MIS18A: variants seen among roughly 807,000 people sequenced by gnomAD.
MIS18A encodes protein Mis18-alpha.
In MIS18A, 14 loss-of-function variants were observed where a neutral mutation model predicts 25.0. The observed-to-expected ratio is 0.56, with a 90% CI of 0.37 to 0.88. The LOEUF is 0.88. MIS18A is among the 40% of genes least tolerant of loss of function. MIS18A has a pLI of 0.00. For synonymous variants in MIS18A, 134 were observed against 118.6 expected, an observed-to-expected ratio of 1.13 and a Z score of -0.84; for missense variants, 292 against 290.8, an observed-to-expected ratio of 1.00 and a Z score of -0.03.
At chr21:32,195,311 G>A in the MIS18A span, among the ~76,000 whole-genome samples, 1 of 152,188 alleles carries the variant, frequency 6.6e-6, no homozygotes, top group Non-Finnish European at 1.5e-5. Flanking sequence ...GAGCTATGTG[G>A]CCTATGTGCG....
chr21:32,201,216 T>C, the MIS18A span, among the ~76,000 whole-genome samples: 4 of 151,896 alleles, frequency 2.6e-5, no homozygotes, highest in East Asian at 5.8e-4. Flanking sequence ...GGGAGGGCAC[T>C]AGCCACTCAT....
At chr21:32,233,346 A>G in the MIS18A span, among the ~76,000 whole-genome samples, 1 of 152,184 alleles carries the variant, frequency 6.6e-6, no homozygotes, top group Non-Finnish European at 1.5e-5. Flanking sequence ...GGGGAGAGAA[A>G]CAAAAGAAAT....
the MIS18A span, among the ~76,000 whole-genome samples, chr21:32,171,674 T>C: frequency 6.6e-6 from 1 of 152,046 alleles, no homozygotes; most frequent in Non-Finnish European, 1.5e-5. Context: ...TACTTGTGTA[T>C]CTAACCCTCT....
chr21:32,213,220 T>G, the MIS18A span, among the ~76,000 whole-genome samples: 8 of 152,218 alleles, frequency 5.3e-5, no homozygotes, highest in Non-Finnish European at 1.0e-4. Flanking sequence ...TACCGAGATA[T>G]TCACTGAAAT....
At chr21:32,245,510 AG>A in the MIS18A span, among the ~76,000 whole-genome samples, 4 of 152,180 alleles carry the variant, frequency 2.6e-5, no homozygotes, top group African/African-American at 9.7e-5. Flanking sequence ...ACCTTCCAGG[AG>A]GGAAGGCTCT....
chr21:32,175,864 T>C, the MIS18A span, among the ~76,000 whole-genome samples: 3 of 152,100 alleles, frequency 2.0e-5, no homozygotes, highest in Non-Finnish European at 4.4e-5. Flanking sequence ...ACAAAAATTT[T>C]TTTTCTTTAT....
chr21:32,262,196 C>T, the MIS18A span, among the ~76,000 whole-genome samples: 3,054 of 152,292 alleles, frequency 0.02, 49 homozygotes, highest in Non-Finnish European at 0.028. Context: ...GAGGTAGTAA[C>T]ATACATGGAG....
At chr21:32,163,846 T>A in the MIS18A span, among the ~76,000 whole-genome samples, 1 of 152,148 alleles carries the variant, frequency 6.6e-6, no homozygotes, top group Non-Finnish European at 1.5e-5. Context: ...TTTGTTTGTG[T>A]TGCTATAAAG....
chr21:32,187,981 G>C, the MIS18A span, among the ~76,000 whole-genome samples: 7 of 146,898 alleles, frequency 4.8e-5, no homozygotes, highest in African/African-American at 1.3e-4. Context: ...CACAAGAAGA[G>C]AGACCAAAGA....
chr21:32,209,212 T>C, the MIS18A span, among the ~76,000 whole-genome samples: 2 of 152,066 alleles, frequency 1.3e-5, no homozygotes, highest in South Asian at 2.1e-4. Context: ...TAGAAATAGA[T>C]GGAAACTGCT....
chr21:32,221,723 C>CAA, the MIS18A span, among the ~76,000 whole-genome samples: 9,664 of 108,430 alleles, frequency 0.089, 458 homozygotes, highest in East Asian at 0.15. Flanking sequence ...ACGAATAATA[C>CAA]AAAAAAAAAA....
At chr21:32,239,287 G>A in the MIS18A span, among the ~76,000 whole-genome samples, 2 of 152,070 alleles carry the variant, frequency 1.3e-5, no homozygotes, top group Non-Finnish European at 2.9e-5. Context: ...TATTATTAGG[G>A]GTTAGTTTTC....
chr21:32,265,152 G>C (rs982724126), downstream of MIS18A, among the ~76,000 whole-genome samples: 1 of 152,228 alleles, frequency 6.6e-6, no homozygotes, highest in South Asian at 2.1e-4. Context: ...CTCCTGCTGA[G>C]AGGTGACAGC....
At chr21:32,173,759 G>C in the MIS18A span, among the ~76,000 whole-genome samples, 7 of 152,044 alleles carry the variant, frequency 4.6e-5, no homozygotes, top group Admixed American at 1.3e-4. Context: ...CTAGGGGCTA[G>C]GGGATGGGGG....
At chr21:32,229,585 C>T in the MIS18A span, among the ~76,000 whole-genome samples, 2 of 152,222 alleles carry the variant, frequency 1.3e-5, no homozygotes, top group Non-Finnish European at 2.9e-5. Context: ...AAGGTGACTG[C>T]AGACAGACAT....
the MIS18A span, among the ~76,000 whole-genome samples, chr21:32,183,927 G>A: frequency 2.0e-5 from 3 of 152,274 alleles, no homozygotes; most frequent in African/African-American, 4.8e-5. Context: ...GCACACACAC[G>A]ATCTGTTGAT....
rs1254610731 is a variant in MIS18A, at chr21:32,269,711, G to A, written c.617C>T (p.Thr206Ile). ...ESRVEIEKSL[T>I]QMEDVLKALQ... Reference sequence around the variant, plus strand: ...AAATGTACAGAATAAAATTACCTGTGTTAGAGACTTTTCTATTTCAACTCT... The same window carrying A: ...AAATGTACAGAATAAAATTACCTGTATTAGAGACTTTTCTATTTCAACTCT... The change falls in exon 4 of 5, where the codon ACA becomes ATA. Residue 206 changes from threonine to isoleucine, a missense_variant. Thr to Ile is a moderately conservative substitution (Grantham distance 89, BLOSUM62 -1). Coordinates refer to ENST00000290130, the MANE Select transcript of MIS18A (RefSeq NM_018944.3). 1.3e-6 allele frequency: 2 copies of A among 1,565,410 alleles called. No homozygotes were observed. The highest frequency in any genetic ancestry group is 3.3e-5 in the Admixed American group (2 of 59,860).
chr21:32,164,084 C>T, the MIS18A span, among the ~76,000 whole-genome samples: 5 of 152,082 alleles, frequency 3.3e-5, no homozygotes, highest in African/African-American at 7.2e-5. Flanking sequence ...GTGAGGACTG[C>T]ACCAAGCCAT....
At chr21:32,197,095 G>C in the MIS18A span, among the ~76,000 whole-genome samples, 3 of 152,024 alleles carry the variant, frequency 2.0e-5, no homozygotes, top group Non-Finnish European at 4.4e-5. Flanking sequence ...GAACTGATAC[G>C]GGTTTATTAC....
Sources: gnomAD v4.1 joint callset for allele counts (sites outside exome capture counted in the v4.1 genomes callset) on GRCh38, gnomAD v4.1.1 for gene constraint, MANE v1.5 for transcripts, NCBI Gene and HGNC (gene_info 2026-07-23, HGNC 2026-07-21) for gene names.